LYRM7: variants seen among roughly 807,000 people sequenced by gnomAD.
LYRM7 encodes complex III assembly factor LYRM7.
Under a neutral mutation model 15.8 loss-of-function variants are expected in LYRM7, and 9 were observed. The observed-to-expected ratio is 0.57, with a 90% CI of 0.34 to 0.99. The LOEUF (loss-of-function observed/expected upper bound fraction) is 0.99, where lower values mean the gene tolerates loss of function less well. LYRM7 is among the 50% of genes least tolerant of loss of function. LYRM7 has a pLI of 0.02. For synonymous variants in LYRM7, 39 were observed against 39.4 expected, an observed-to-expected ratio of 0.99 and a Z score of 0.04; for missense variants, 115 against 119.1, an observed-to-expected ratio of 0.97 and a Z score of 0.16.
In LYRM7 at chr5:131,199,684, T is replaced by G; in HGVS notation, c.*83T>G. On this transcript the variant is annotated 3_prime_UTR_variant, in exon 5 of 5. Transcript: ENST00000379380. ...CAAAAGTCCTGGAAATGCAGACATT[T>G]TCCCTGAACTGGCATATTGAAAATG... 1.2e-6 allele frequency: 1 copy of G among 865,006 alleles called. No individual in the cohort carries two copies. Among genetic ancestry groups the G allele is most frequent in the South Asian group, 2.0e-5 (1 of 50,734 alleles). The allele number at this position is 865,006 out of a possible 1,614,324, so 53.6% of individuals were successfully genotyped here.
intron 1 of LYRM7, among the ~76,000 whole-genome samples, chr5:131,172,312 C>A (rs1231571543): frequency 6.6e-6 from 1 of 152,202 alleles, no homozygotes; most frequent in Non-Finnish European, 1.5e-5. Flanking sequence ...ACTCGGGAGG[C>A]TGAGGCACAA....
At chr5:131,176,767 C>T (rs1198540971) in intron 1 of LYRM7, among the ~76,000 whole-genome samples, 1 of 152,140 alleles carries the variant, frequency 6.6e-6, no homozygotes, top group Non-Finnish European at 1.5e-5. Context: ...GTTCTATCCA[C>T]AAAGGCGTAC....
chr5:131,183,732 C>T (rs1009050230), intron 3 of LYRM7, among the ~76,000 whole-genome samples: 24 of 152,026 alleles, frequency 1.6e-4, no homozygotes, highest in African/African-American at 2.9e-4. Context: ...AGTTCTCAAA[C>T]GTGGTCATCT....
intron 1 of LYRM7, among the ~76,000 whole-genome samples, chr5:131,177,019 A>G (rs149532428): frequency 1.3e-5 from 2 of 152,310 alleles, no homozygotes; most frequent in East Asian, 3.8e-4. Context: ...TATTATTGCT[A>G]TAAAAATTAC....
chr5:131,175,275 C>A (rs1322194050), intron 1 of LYRM7, among the ~76,000 whole-genome samples: 2 of 150,760 alleles, frequency 1.3e-5, no homozygotes, highest in Non-Finnish European at 2.9e-5. Context: ...TCTCGGCTCA[C>A]CACAACCCCT....
In LYRM7 at chr5:131,200,436, G is replaced by A. The variant is rs1279731736; in HGVS notation, c.*835G>A. On this transcript the variant is annotated 3_prime_UTR_variant, in exon 5 of 5. Transcript: ENST00000379380. The stretch of plus-strand genomic sequence containing the variant: ...TGTCCTGTCCTTGACAAGATGGGCA[G>A]TATCACAAAAGGTCCTGGCATTCTA... 1 of 152,318 alleles carries A rather than the reference G, an allele frequency of 6.6e-6. No homozygotes were observed. The highest frequency in any genetic ancestry group is 2.4e-5 in the African/African-American group (1 of 41,454). The allele number at this position is 152,318 out of a possible 1,614,324, so 9.4% of individuals were successfully genotyped here.
At chr5:131,184,641 G>GGCGGA (rs991634906) in intron 3 of LYRM7, among the ~76,000 whole-genome samples, 2 of 89,582 alleles carry the variant, frequency 2.2e-5, no homozygotes, top group African/African-American at 1.8e-4. Flanking sequence ...TTTTTTTGGC[G>GGCGGA]GGGGGGGGGT....
intron 1 of LYRM7, among the ~76,000 whole-genome samples, chr5:131,177,356 C>A (rs944623018): frequency 6.6e-6 from 1 of 152,166 alleles, no homozygotes; most frequent in Non-Finnish European, 1.5e-5. Flanking sequence ...GTTCCCATGT[C>A]TTTTCCTTTT....
chr5:131,199,240 C>G (rs1388711242), intron 4 of LYRM7, among the ~76,000 whole-genome samples: 5 of 151,886 alleles, frequency 3.3e-5, no homozygotes, highest in African/African-American at 1.2e-4. Context: ...ATTAAATGAC[C>G]AATAATAGAA....
At chr5:131,182,660 A>C (rs1755732912) in intron 3 of LYRM7, among the ~76,000 whole-genome samples, 1 of 152,198 alleles carries the variant, frequency 6.6e-6, no homozygotes, top group Non-Finnish European at 1.5e-5. Flanking sequence ...CTCTTAACTG[A>C]ACTAAGCGGT....
intron 2 of LYRM7, among the ~76,000 whole-genome samples, chr5:131,181,316 T>TATATATATATATACACAC (rs1208669077): frequency 1.8e-4 from 5 of 27,644 alleles, no homozygotes; most frequent in Non-Finnish European, 2.3e-4. Context: ...TATATATATA[T>TATATATATATATACACAC]ACACACACAC....
intron 1 of LYRM7, among the ~76,000 whole-genome samples, chr5:131,179,455 C>CTTTTTTTTTTTTTTTCTTTTTTTTT (rs1755654260): frequency 1.0e-5 from 1 of 95,358 alleles, no homozygotes; most frequent in South Asian, 3.1e-4. Context: ...TTTTTCTTTT[C>CTTTTTTTTTTTTTTTCTTTTTTTTT]TTTTTTTTTT....
In LYRM7 at chr5:131,181,404, T is replaced by TATA. The variant is rs1561544450; in HGVS notation, c.92-824_92-823insTAA. Among the ~76,000 whole-genome samples the TATA allele has an allele frequency of 6.9e-4, 77 of 110,806 alleles. 2 individuals are homozygous for TATA. Among genetic ancestry groups the TATA allele is most frequent in the African/African-American group, 3.0e-3 (68 of 22,562 alleles). 72.7% of individuals were successfully genotyped at this position (110,806 alleles called of 152,430 possible). On this transcript the variant is annotated intron_variant, in intron 2 of 4. Transcript: ENST00000379380. The stretch of plus-strand genomic sequence containing the variant: ...ATAATATATACATATATATTATATA[T>TATA]ACATATATATGTTTATATATATATA...
chr5:131,182,961 CA>C (rs573328469), intron 3 of LYRM7, among the ~76,000 whole-genome samples: 2 of 151,712 alleles, frequency 1.3e-5, no homozygotes, highest in Non-Finnish European at 2.9e-5. Context: ...GAAAACAAAA[CA>C]AAAAAATGGA....
At chr5:131,193,855 C>G (rs1755922794) in intron 4 of LYRM7, among the ~76,000 whole-genome samples, 1 of 151,936 alleles carries the variant, frequency 6.6e-6, no homozygotes, top group Non-Finnish European at 1.5e-5. Flanking sequence ...ACTAAAAATA[C>G]AAAATTAGCC....
At chr5:131,190,489 C>CT (rs75062670) in intron 4 of LYRM7, among the ~76,000 whole-genome samples, 197 of 140,058 alleles carry the variant, frequency 1.4e-3, no homozygotes, top group Non-Finnish European at 1.3e-3. Flanking sequence ...CCACCGTGCC[C>CT]TTTTTTTTTT....
chr5:131,172,179 C>T lies in LYRM7; in HGVS notation c.18+1141C>T, dbSNP rs546753731. Among the ~76,000 whole-genome samples the T allele has an allele frequency of 1.4e-3, 212 of 152,252 alleles. 5 individuals are homozygous for T. In the South Asian group the frequency reaches 0.035, roughly 25 times the overall value. On this transcript the variant is annotated intron_variant, in intron 1 of 4. Transcript: ENST00000379380. Reference sequence around the variant, plus strand: ...CTGTAATCCCAGCACTTTGGGAGACCGAGGCGAGAGGATCACATGAGGTCG... The same window carrying T: ...CTGTAATCCCAGCACTTTGGGAGACTGAGGCGAGAGGATCACATGAGGTCG...
At position 131,175,294 on chromosome 5, in the gene LYRM7, G is replaced by T. The variant is rs192796481; in HGVS notation, c.18+4256G>T. ...GGCTCACCACAACCCCTGCCTCCCA[G>T]GTTCAAGCAATTCCCCTGCCTCAGC... is the stretch of plus-strand genomic sequence containing the variant. On this transcript the variant is annotated intron_variant, in intron 1 of 4. Transcript: ENST00000379380. 1.1e-3 allele frequency among the ~76,000 whole-genome samples: 172 copies of T among 149,884 alleles called. 1 individual carries two copies. The highest frequency in any genetic ancestry group is 4.2e-3 in the African/African-American group (169 of 40,134).
chr5:131,183,171 A>G (rs931081533), intron 3 of LYRM7, among the ~76,000 whole-genome samples: 2 of 152,200 alleles, frequency 1.3e-5, no homozygotes, highest in Non-Finnish European at 2.9e-5. Flanking sequence ...AGAAAATGCT[A>G]TTTTTGAAAT....
Sources: allele counts gnomAD v4.1 joint callset (sites outside exome capture counted in the v4.1 genomes callset), GRCh38; gene constraint gnomAD v4.1.1; transcripts MANE v1.5; gene names NCBI Gene and HGNC (gene_info 2026-07-23, HGNC 2026-07-21).